Variants in SOCS7 observed in about 807,000 individuals in gnomAD.
The protein encoded by SOCS7 is suppressor of cytokine signaling 7.
SOCS7 carries 18 observed loss-of-function variants against 58.9 expected under a neutral mutation model. That is an observed-to-expected ratio of 0.31 (90% CI 0.21 to 0.45). The LOEUF is 0.45. SOCS7 is among the 20% of genes least tolerant of loss of function. SOCS7 has a pLI of 1.00. For synonymous variants in SOCS7, 388 were observed against 364.3 expected, an observed-to-expected ratio of 1.06 and a Z score of -0.74; for missense variants, 667 against 837.3, an observed-to-expected ratio of 0.80 and a Z score of 2.51.
In SOCS7 at chr17:38,352,431, C is replaced by G. The variant is rs1164265222; in HGVS notation, c.379C>G (p.Leu127Val). 1 of 1,456,186 alleles carries G rather than the reference C, an allele frequency of 6.9e-7. No homozygotes were observed. The highest frequency in any genetic ancestry group is 1.5e-5 in the African/African-American group (1 of 68,468). The allele number at this position is 1,456,186 out of a possible 1,614,324, so 90.2% of individuals were successfully genotyped here. Residue 127 changes from leucine (L) to valine (V), a missense_variant, in exon 1 of 10, where the codon CTG becomes GTG. Physicochemically the swap from Leu to Val is conservative, Grantham distance 32. This residue lies in a region of SOCS7 where 154 missense variants were observed against 156.3 expected (regional missense o/e 0.98). Transcript: ENST00000612932. This position sits in a 1 kb window ranked among gnomAD's most constrained non-coding sequence, Gnocchi z 5.5. ...AAGLEAQLAALGLGQPAGPGV... is the reference protein window; with the variant it reads ...AAGLEAQLAAVGLGQPAGPGV... ...TGGACTAGAGGCGCAGTTGGCGGCTCTGGGGCTCGGGCAGCCGGCGGGGCC... is the reference window on the plus strand; with the variant it reads ...TGGACTAGAGGCGCAGTTGGCGGCTGTGGGGCTCGGGCAGCCGGCGGGGCC...
chr17:38,382,633 C>T (rs7501438), intron 7 of SOCS7, among the ~76,000 whole-genome samples: 14,224 of 151,822 alleles, frequency 0.094, 765 homozygotes, highest in East Asian at 0.19. Flanking sequence ...GGATTACAGG[C>T]GCCCGCCACC....
chr17:38,370,083 G>C (rs1029788301), intron 6 of SOCS7, among the ~76,000 whole-genome samples: 1 of 150,786 alleles, frequency 6.6e-6, no homozygotes, highest in Non-Finnish European at 1.5e-5. Context: ...GAGCCACCAT[G>C]CCTGGCCGGG....
In SOCS7 at chr17:38,352,969, C is replaced by G; in HGVS notation, c.917C>G (p.Ala306Gly). 1.9e-6 allele frequency: 3 copies of G among 1,606,600 alleles called. No homozygotes were observed. Among genetic ancestry groups the G allele is most frequent in the Non-Finnish European group, 2.5e-6 (3 of 1,178,160 alleles). ...GGCAAGAGGCCTTCTGGAGAGCTGG[C>G]TGCTTCAGCTGCGAGCCTGACAGAC... ...GTGKRPSGEL[A>G]ASAASLTDMG... The change falls in exon 1 of 10, where the codon GCT (alanine) becomes GGT (glycine). Residue 306 changes from alanine to glycine, a missense_variant. Around this residue, in one of 9 missense-constraint regions of SOCS7, gnomAD observed 208 missense variants for 190.3 expected, o/e 1.09. Coordinates refer to ENST00000612932, the MANE Select transcript of SOCS7 (RefSeq NM_014598.4). This position sits in a 1 kb window ranked among gnomAD's most constrained non-coding sequence, Gnocchi z 5.5.
At chr17:38,361,898 C>G in intron 2 of SOCS7, 123 bp downstream of exon 2, 1 of 701,294 alleles carries the variant, frequency 1.4e-6, no homozygotes, top group Non-Finnish European at 2.4e-6. Context: ...TTCCTTCATT[C>G]CATGCTTAGT....
chr17:38,386,221 G>A (rs2038065850), intron 7 of SOCS7, among the ~76,000 whole-genome samples: 1 of 151,368 alleles, frequency 6.6e-6, no homozygotes, highest in Non-Finnish European at 1.5e-5. Context: ...CTACTTGGGA[G>A]GCTGAGGCAG....
intron 6 of SOCS7, among the ~76,000 whole-genome samples, chr17:38,370,677 T>C (rs1258681751): frequency 6.7e-6 from 1 of 148,890 alleles, no homozygotes; most frequent in Non-Finnish European, 1.5e-5. Flanking sequence ...TGAGACAGAG[T>C]CTTGCTCCAT....
intron 1 of SOCS7, among the ~76,000 whole-genome samples, chr17:38,353,286 C>T (rs1282753553): frequency 2.6e-5 from 4 of 152,250 alleles, no homozygotes; most frequent in African/African-American, 7.2e-5. Context: ...GGTTTCAGAC[C>T]ATCCTCCCAT....
chr17:38,368,107 G>C, intron 6 of SOCS7, 57 bp downstream of exon 6: 1 of 1,475,990 alleles, frequency 6.8e-7, no homozygotes, highest in Middle Eastern at 1.8e-4. Context: ...TACCTTTGCT[G>C]TCTGACTTTT....
chr17:38,371,754 GTTTT>G (rs770296566), intron 6 of SOCS7, among the ~76,000 whole-genome samples: 4 of 72,196 alleles, frequency 5.5e-5, no homozygotes, highest in African/African-American at 5.5e-5. Context: ...GCCCTTTTGT[GTTTT>G]TTTTTTTTTT....
In SOCS7 at chr17:38,403,410, G is replaced by C. The variant is rs1181793926; in HGVS notation, c.*3928G>C. 1 of 152,350 alleles carries C rather than the reference G, an allele frequency of 6.6e-6. No homozygotes were observed. Among genetic ancestry groups the C allele is most frequent in the African/African-American group, 2.4e-5 (1 of 41,444 alleles). 9.4% of individuals were successfully genotyped at this position (152,350 alleles called of 1,614,324 possible). A position where few individuals can be genotyped will look rare whatever the true frequency, so the allele number is the denominator to read the frequency against. On this transcript the variant is annotated 3_prime_UTR_variant, in exon 10 of 10. Coordinates refer to ENST00000612932, the MANE Select transcript of SOCS7 (RefSeq NM_014598.4). ...TCAGCCCTCACCCCAGGGCCCCCAGGAAAGCATGGCCTGCTTGAAGCCCTC... is the reference window on the plus strand; with the variant it reads ...TCAGCCCTCACCCCAGGGCCCCCAGCAAAGCATGGCCTGCTTGAAGCCCTC...
rs113794450 is a variant in SOCS7 at position 38,377,078 on chromosome 17, C to T, written c.1553-636C>T. Among the ~76,000 whole-genome samples the T allele has an allele frequency of 1.4e-4, 21 of 152,238 alleles. No homozygotes were observed. In the South Asian group the frequency reaches 2.3e-3, roughly 17 times the overall value. ...GTTTGGATAAGTACACTCTGATGTT[C>T]GCCTAATGATGCATTTCTCTGAACA... is the stretch of plus-strand genomic sequence containing the variant. On this transcript the variant is annotated intron_variant, in intron 6 of 9. Coordinates refer to ENST00000612932, the MANE Select transcript of SOCS7 (RefSeq NM_014598.4).
At chr17:38,381,968 A>G (rs1335763295) in intron 7 of SOCS7, among the ~76,000 whole-genome samples, 1 of 149,508 alleles carries the variant, frequency 6.7e-6, no homozygotes, top group African/African-American at 2.5e-5. Flanking sequence ...AAAAAAAAAA[A>G]AAAAAACCTA....
At chr17:38,394,211 A>G (rs1311729921) in intron 7 of SOCS7, among the ~76,000 whole-genome samples, 1 of 152,148 alleles carries the variant, frequency 6.6e-6, no homozygotes, top group Non-Finnish European at 1.5e-5. Flanking sequence ...GCTAATACAT[A>G]AGGGTGTGGT....
At chr17:38,363,694 T>TA (rs1016952164) in intron 2 of SOCS7, among the ~76,000 whole-genome samples, 14 of 152,090 alleles carry the variant, frequency 9.2e-5, no homozygotes, top group South Asian at 2.1e-4. Context: ...AAGAGCTTTG[T>TA]AAAAAAACTG....
intron 7 of SOCS7, among the ~76,000 whole-genome samples, chr17:38,384,891 CTTTTT>C (rs71138614): frequency 1.3e-5 from 1 of 76,638 alleles, no homozygotes; most frequent in African/African-American, 6.0e-5. Flanking sequence ...GCACCCAGCT[CTTTTT>C]TTTTTTTTTT....
intron 7 of SOCS7, among the ~76,000 whole-genome samples, chr17:38,382,636 C>T (rs142214883): frequency 0.012 from 1,897 of 151,872 alleles, 17 homozygotes; most frequent in South Asian, 0.033. Context: ...TTACAGGCGC[C>T]CGCCACCACG....
intron 7 of SOCS7, among the ~76,000 whole-genome samples, chr17:38,382,253 C>A (rs1597702888): frequency 1.3e-5 from 2 of 151,400 alleles, no homozygotes; most frequent in Non-Finnish European, 2.9e-5. Context: ...TGTAGAGAGA[C>A]CTCATCTCTA....
At chr17:38,364,996 C>T in intron 3 of SOCS7, 140 bp downstream of exon 3, 1 of 652,296 alleles carries the variant, frequency 1.5e-6, no homozygotes, top group Non-Finnish European at 2.7e-6. Context: ...AGCACCCCGT[C>T]ATCTCCCTAA....
intron 5 of SOCS7, among the ~76,000 whole-genome samples, chr17:38,367,543 T>C (rs1264136456): frequency 6.7e-6 from 1 of 148,666 alleles, no homozygotes; most frequent in Non-Finnish European, 1.5e-5. Flanking sequence ...CCAGCTAATT[T>C]TTGTATTTTT....
Sources: allele counts gnomAD v4.1 joint callset (sites outside exome capture counted in the v4.1 genomes callset), GRCh38; gene constraint gnomAD v4.1.1; regional missense constraint gnomAD v4.1.1; non-coding constraint Gnocchi (gnomAD v3.1); transcripts MANE v1.5; gene names NCBI Gene and HGNC (gene_info 2026-07-23, HGNC 2026-07-21).